Variants in THSD4 observed in about 807,000 individuals in gnomAD.
The protein encoded by THSD4 is thrombospondin type 1 domain containing 4, also known as thrombospondin type-1 domain-containing protein 4.
Under a neutral mutation model 119.0 loss-of-function variants are expected in THSD4, and 69 were observed. That is an observed-to-expected ratio of 0.58 (90% CI 0.48 to 0.71). The LOEUF is 0.71. Among genes scored for constraint, THSD4 ranks in the 30% least tolerant of loss-of-function variants. THSD4 has a pLI of 0.00. For missense variants in THSD4, 1,393 were observed against 1,391.1 expected (o/e 1.00, Z -0.02); for synonymous variants, 524 against 540.4 (o/e 0.97, Z 0.42).
chr15:71,206,550 T>G (rs1366598352), intron 3 of THSD4, among the ~76,000 whole-genome samples: 1 of 152,238 alleles, frequency 6.6e-6, no homozygotes, highest in African/African-American at 2.4e-5. Context: ...AGAATGAGAC[T>G]TTAGAATTTC....
chr15:71,370,558 G>A (rs1346262681), intron 6 of THSD4, among the ~76,000 whole-genome samples: 1 of 152,190 alleles, frequency 6.6e-6, no homozygotes, highest in East Asian at 1.9e-4. Context: ...TCATTCAGGA[G>A]CAGGTTGTTC....
chr15:71,645,323 C>T (rs187532145), intron 7 of THSD4, among the ~76,000 whole-genome samples: 227 of 152,280 alleles, frequency 1.5e-3, no homozygotes, highest in Non-Finnish European at 2.8e-3. Context: ...GGGAAGCAAA[C>T]ATGTCCTTCT....
chr15:71,299,976 A>AATATATATATATATATATATAT (rs1185451144), intron 6 of THSD4, among the ~76,000 whole-genome samples: 3 of 48,316 alleles, frequency 6.2e-5, no homozygotes, highest in African/African-American at 2.3e-4. Context: ...AAAAAAAAAA[A>AATATATATATATATATATATAT]ATATATATAT....
intron 7 of THSD4, among the ~76,000 whole-genome samples, chr15:71,598,925 T>C (rs959444420): frequency 6.6e-6 from 1 of 152,200 alleles, no homozygotes; most frequent in Non-Finnish European, 1.5e-5. Context: ...CCGGAACTTA[T>C]TTTTTAAAGA....
chr15:71,390,267 ACACTTTC>A (rs558491235), intron 6 of THSD4, among the ~76,000 whole-genome samples: 168 of 152,282 alleles, frequency 1.1e-3, no homozygotes, highest in Non-Finnish European at 2.0e-3. Flanking sequence ...AGCTCATATT[ACACTTTC>A]TGTCTTTTGA....
intron 6 of THSD4, among the ~76,000 whole-genome samples, chr15:71,327,914 C>G (rs967919710): frequency 6.6e-6 from 1 of 152,136 alleles, no homozygotes; most frequent in Admixed American, 6.5e-5. Context: ...ATTAATTCAG[C>G]CGGGTCTGTG....
rs182979611 is a variant in THSD4 at position 71,546,771 on chromosome 15, C to T, written c.1153-113759C>T. Among the ~76,000 whole-genome samples the T allele has an allele frequency of 2.0e-5, 3 of 152,326 alleles. No homozygotes were observed. The East Asian group carries it at 5.8e-4, about 29-fold the overall frequency. ...GACTTCTGTCCCTGTTGAGGCTGCC[C>T]TTGATAATGCAGCTTTTAACTGCCT... On this transcript the variant is annotated intron_variant, in intron 7 of 17. Transcript: ENST00000261862.
chr15:71,435,383 T>C (rs1309643283), intron 7 of THSD4, among the ~76,000 whole-genome samples: 5 of 152,216 alleles, frequency 3.3e-5, no homozygotes, highest in African/African-American at 1.2e-4. Context: ...CTTTTAAAAA[T>C]CTTGCCAAGG....
At chr15:71,159,665 A>G (rs1410667036) in intron 3 of THSD4, among the ~76,000 whole-genome samples, 1 of 152,046 alleles carries the variant, frequency 6.6e-6, no homozygotes, top group Non-Finnish European at 1.5e-5. Context: ...GAATTTGTTT[A>G]TTAGTTCTAA....
intron 7 of THSD4, among the ~76,000 whole-genome samples, chr15:71,457,423 G>A (rs994859976): frequency 1.4e-5 from 2 of 146,204 alleles, no homozygotes; most frequent in African/African-American, 5.0e-5. Flanking sequence ...TAATGCAAGT[G>A]TTTCCAACCT....
intron 7 of THSD4, among the ~76,000 whole-genome samples, chr15:71,542,346 T>A (rs2048770375): frequency 6.6e-6 from 1 of 152,168 alleles, no homozygotes; most frequent in African/African-American, 2.4e-5. Context: ...CTTAATTCTA[T>A]GGGATTTACT....
At chr15:71,158,609 G>A (rs1233967444) in intron 3 of THSD4, among the ~76,000 whole-genome samples, 3 of 150,194 alleles carry the variant, frequency 2.0e-5, no homozygotes, top group East Asian at 1.9e-4. Flanking sequence ...TTTGATAAAT[G>A]TCTATTCAGA....
At chr15:71,256,487 A>AG in intron 5 of THSD4, 126 bp from the exon 6 acceptor site, 1 of 597,544 alleles carries the variant, frequency 1.7e-6, no homozygotes, top group Non-Finnish European at 2.4e-6. Flanking sequence ...AAAAAAAAAA[A>AG]ATAAATAAAT....
intron 7 of THSD4, among the ~76,000 whole-genome samples, chr15:71,499,243 C>A (rs927358110): frequency 1.1e-4 from 17 of 152,104 alleles, no homozygotes; most frequent in Non-Finnish European, 1.6e-4. Context: ...TCCTCTCTGC[C>A]AGCAGCACCT....
Position 71,553,042 on chromosome 15 carries a change from T to C in THSD4, c.1153-107488T>C, listed in dbSNP as rs545612371. ...TTACCCTCATTCTCTCCCCTATCCT[T>C]CTTCCCTGCCAAGATGAAATCGTTG... On this transcript the variant is annotated intron_variant, in intron 7 of 17. Transcript: ENST00000261862. Among the ~76,000 whole-genome samples, 7 of 152,304 alleles carry C rather than the reference T, an allele frequency of 4.6e-5. 2 individuals are homozygous for C. In the South Asian group the frequency reaches 1.5e-3, roughly 32 times the overall value.
chr15:71,149,736 C>T (rs1289350497), intron 2 of THSD4, among the ~76,000 whole-genome samples: 1 of 151,872 alleles, frequency 6.6e-6, no homozygotes, highest in Non-Finnish European at 1.5e-5. Flanking sequence ...TGTTTTGTTA[C>T]TTGATATGCC....
chr15:71,253,668 A>T (rs907275273), intron 5 of THSD4, among the ~76,000 whole-genome samples: 1 of 152,196 alleles, frequency 6.6e-6, no homozygotes, highest in Non-Finnish European at 1.5e-5. Flanking sequence ...TCGGCCTCCC[A>T]AAGTGCTAGG....
chr15:71,727,276 A>G (rs1237530022), intron 8 of THSD4, among the ~76,000 whole-genome samples: 1 of 152,120 alleles, frequency 6.6e-6, no homozygotes. Flanking sequence ...CCACAGCCTC[A>G]GATGCCCAGG....
intron 1 of THSD4, among the ~76,000 whole-genome samples, chr15:71,139,338 T>G (rs2040580178): frequency 6.6e-6 from 1 of 152,208 alleles, no homozygotes; most frequent in Non-Finnish European, 1.5e-5. Context: ...AGTAAATAAT[T>G]ACTGATTAGT....
Sources: gnomAD v4.1 joint callset for allele counts (sites outside exome capture counted in the v4.1 genomes callset) on GRCh38, gnomAD v4.1.1 for gene constraint, MANE v1.5 for transcripts, NCBI Gene and HGNC (gene_info 2026-07-23, HGNC 2026-07-21) for gene names.